Variants in TM2D3 observed in about 807,000 individuals in gnomAD.
TM2D3 encodes TM2 domain containing 3, also known as TM2 domain-containing protein 3.
TM2D3 carries 33 observed loss-of-function variants against 27.3 expected under a neutral mutation model. That is an observed-to-expected ratio of 1.21 (90% confidence interval 0.92 to 1.61). The LOEUF is 1.61. Among genes scored for constraint, TM2D3 ranks in the 40% most tolerant of loss-of-function variants. The probability of loss-of-function intolerance (pLI) is 0.00; values close to 1 mark genes in which losing one functional copy is unlikely to be tolerated. For synonymous variants in TM2D3, 138 were observed against 122.2 expected (o/e 1.13, Z -0.85); for missense variants, 364 against 320.8 (o/e 1.13, Z -1.03).
chr15:101,645,812 C>CAAAAAAAAAA (rs34342353), intron 4 of TM2D3: 1 of 136,442 alleles, frequency 7.3e-6, no homozygotes. Flanking sequence ...TACAATAATG[C>CAAAAAAAAAA]AAAAAAAAAA....
chr15:101,634,318 C>T (rs1896510491), intron 4 of TM2D3: 2 of 152,366 alleles, frequency 1.3e-5, no homozygotes, highest in Admixed American at 1.3e-4. Flanking sequence ...CCTGTAATCC[C>T]AGCTACTCAG....
downstream of TM2D3, among the ~76,000 whole-genome samples, chr15:101,641,510 G>A (rs902121821): frequency 6.6e-6 from 1 of 152,168 alleles, no homozygotes; most frequent in Admixed American, 6.5e-5. Flanking sequence ...ATGATATGGT[G>A]GTTAACAGTC....
intron 4 of TM2D3, chr15:101,635,486 T>C (rs562407912): frequency 6.6e-6 from 1 of 152,338 alleles, no homozygotes; most frequent in South Asian, 2.1e-4. Context: ...CCACATTTCT[T>C]TTACTGTGAA....
At chr15:101,633,706 G>T in exon 5 of TM2D3, 1 of 1,533,736 alleles carries the variant, frequency 6.5e-7, no homozygotes, top group Non-Finnish European at 8.7e-7. Context: ...AGCTGAACAT[G>T]AAGCCCCACC....
At chr15:101,645,048 T>C (rs1402452863) in intron 5 of TM2D3, 39 bp downstream of exon 5, 2 of 1,572,822 alleles carry the variant, frequency 1.3e-6, no homozygotes. Context: ...CCCAAAGAAA[T>C]GCAAACGGCC....
chr15:101,651,590 CA>C, intron 2 of TM2D3, 105 bp downstream of exon 2: 1 of 1,142,598 alleles, frequency 8.8e-7, no homozygotes, highest in South Asian at 1.4e-5. Flanking sequence ...AATAAATATT[CA>C]AAAATGGAAA....
chr15:101,633,657 C>A (rs1012471231), exon 5 of TM2D3: 7 of 1,530,578 alleles, frequency 4.6e-6, no homozygotes, highest in Admixed American at 2.0e-5. Flanking sequence ...CCTCAAAAAT[C>A]CACCTTTTTC....
Position 101,650,129 on chromosome 15 carries a change from A to G in TM2D3, c.202T>C (p.Cys68Arg), listed in dbSNP as rs1183446273. 1 of 1,614,068 alleles carries G rather than the reference A, an allele frequency of 6.2e-7. No individual in the cohort carries two copies. The highest frequency in any genetic ancestry group is 1.1e-5 in the South Asian group (1 of 91,064). Residue 68 changes from cysteine to arginine, a missense_variant, in exon 3 of 6, where the codon TGT (cysteine) becomes CGT (arginine). By Grantham distance (180) the Cys-to-Arg change is radical (BLOSUM62 -3). Coordinates refer to ENST00000333202, the MANE Select transcript of TM2D3 (RefSeq NM_078474.3). ...CTGCTACACAAACCATTGCTCGGACACTTCATCACATAAGGTGGGATTTCA... is the reference window on the plus strand; with the variant it reads ...CTGCTACACAAACCATTGCTCGGACGCTTCATCACATAAGGTGGGATTTCA... Reference protein sequence around the residue: ...STEIPPYVMKCPSNGLCSRLP... With the variant: ...STEIPPYVMKRPSNGLCSRLP...
chr15:101,645,284 G>T, intron 4 of TM2D3, 122 bp from the exon 5 acceptor site: 1 of 787,450 alleles, frequency 1.3e-6, no homozygotes, highest in Non-Finnish European at 2.0e-6. Context: ...GGTAATACAT[G>T]TTGAAGTGAA....
chr15:101,651,327 C>G (rs139748705), intron 2 of TM2D3: 6 of 188,418 alleles, frequency 3.2e-5, no homozygotes, highest in African/African-American at 1.4e-4. Context: ...TCCATTTCCA[C>G]AGTCCTGAGG....
At chr15:101,639,014 C>T (rs183500791), downstream of TM2D3, among the ~76,000 whole-genome samples, 15 of 152,264 alleles carry the variant, frequency 9.9e-5, no homozygotes, top group Admixed American at 5.2e-4. Flanking sequence ...GCCCTGCCTT[C>T]GTGGAGCCTT....
In TM2D3 at chr15:101,651,740, T is replaced by C. The variant is rs1567314714; in HGVS notation, c.125A>G (p.Asp42Gly). The C allele has an allele frequency of 1.2e-6, 2 of 1,614,168 alleles. No homozygotes were observed. Among genetic ancestry groups the C allele is most frequent in the East Asian group, 2.2e-5 (1 of 44,884 alleles). ...TGTGAATGTGCGTGTTGGGCCCGGA[T>C]CCTTTATTGACTGAGCCAGCGCCTG... ...QSQALAQSIK[D>G]PGPTRTFTVV... The change falls in exon 2 of 6, where the codon GAT (aspartate) becomes GGT (glycine). Residue 42 changes from aspartate to glycine, a missense_variant. Asp to Gly is a moderately conservative substitution (Grantham distance 94, BLOSUM62 -1). Transcript: ENST00000333202.
chr15:101,639,905 T>A (rs1294575141), downstream of TM2D3, among the ~76,000 whole-genome samples: 1 of 152,100 alleles, frequency 6.6e-6, no homozygotes, highest in Non-Finnish European at 1.5e-5. Flanking sequence ...CTAGGGACAA[T>A]GGAGGGGGTA....
chr15:101,644,507 G>A (rs995515058), intron 5 of TM2D3, among the ~76,000 whole-genome samples: 1 of 152,180 alleles, frequency 6.6e-6, no homozygotes, highest in Non-Finnish European at 1.5e-5. Context: ...CAGGGTCTCA[G>A]GCACGAACTC....
At chr15:101,652,054 A>T in intron 1 of TM2D3, 1 of 556,990 alleles carries the variant, frequency 1.8e-6, no homozygotes, top group South Asian at 2.3e-5. Flanking sequence ...AGGGCTCCGC[A>T]GCCGCGATGG....
chr15:101,646,480 T>G, intron 4 of TM2D3: 1 of 419,562 alleles, frequency 2.4e-6, no homozygotes, highest in Non-Finnish European at 4.4e-6. Context: ...TCAATTACTG[T>G]GTATTATGCT....
At position 101,633,523 on chromosome 15, in the gene TM2D3, T is replaced by G. The variant is rs143342115; in HGVS notation, c.*154A>C. The G allele has an allele frequency of 4.2e-4, 228 of 539,656 alleles. 1 individual carries two copies. Among genetic ancestry groups the G allele is most frequent in the African/African-American group, 3.8e-3 (199 of 52,610 alleles). 33.4% of individuals were successfully genotyped at this position (539,656 alleles called of 1,614,324 possible). A position where few individuals can be genotyped will look rare whatever the true frequency, so the allele number is the denominator to read the frequency against. On this transcript the variant is annotated 3_prime_UTR_variant, in exon 5 of 5. Transcript: ENST00000428002. ...CGAAGGACACCCACAGATTTTGCAATGTGTTCCTGAATAAGCAGTTCCTAT... is the reference window on the plus strand; with the variant it reads ...CGAAGGACACCCACAGATTTTGCAAGGTGTTCCTGAATAAGCAGTTCCTAT...
At chr15:101,633,819 A>G in intron 4 of TM2D3, 4 of 1,139,392 alleles carry the variant, frequency 3.5e-6, no homozygotes, top group Non-Finnish European at 2.4e-6. Flanking sequence ...TAAAAAATCC[A>G]TATACCAAGA....
intron 4 of TM2D3, chr15:101,645,907 A>T (rs1472559194): frequency 6.6e-6 from 1 of 152,198 alleles, no homozygotes; most frequent in East Asian, 1.9e-4. Context: ...TTAAGACCAA[A>T]TTTAAGAATA....
Sources: allele counts gnomAD v4.1 joint callset (sites outside exome capture counted in the v4.1 genomes callset), GRCh38; gene constraint gnomAD v4.1.1; transcripts MANE v1.5; gene names NCBI Gene and HGNC (gene_info 2026-07-23, HGNC 2026-07-21).